PLXDC1: variants seen among roughly 807,000 people sequenced by gnomAD.
PLXDC1 encodes the protein plexin domain-containing protein 1.
A neutral mutation model predicts 61.3 loss-of-function variants in PLXDC1; 39 were observed. The ratio of observed to expected loss-of-function variants is 0.64; its 90% confidence interval spans 0.49 to 0.83. PLXDC1 has a LOEUF of 0.83. Ranked by LOEUF, PLXDC1 falls within the 40% of genes least tolerant of loss-of-function variation. The probability of loss-of-function intolerance (pLI) is 0.00; values close to 1 mark genes in which losing one functional copy is unlikely to be tolerated. For missense variants in PLXDC1, 596 were observed against 666.5 expected (o/e 0.89, Z 1.17); for synonymous variants, 212 against 254.5 (o/e 0.83, Z 1.59).
chr17:39,135,177 T>C (rs1379069623), intron 2 of PLXDC1, among the ~76,000 whole-genome samples: 2 of 152,338 alleles, frequency 1.3e-5, no homozygotes, highest in Non-Finnish European at 2.9e-5. Context: ...AGTTATCCCT[T>C]AAAGCCTGGT....
At chr17:39,130,730 T>C (rs1402633179) in intron 2 of PLXDC1, among the ~76,000 whole-genome samples, 6 of 151,940 alleles carry the variant, frequency 3.9e-5, no homozygotes, top group Non-Finnish European at 8.8e-5. Context: ...CCGGCTAATT[T>C]TGTATTATTT....
chr17:39,083,413 T>C, intron 9 of PLXDC1, 46 bp downstream of exon 9: 1 of 1,493,392 alleles, frequency 6.7e-7, no homozygotes, highest in Non-Finnish European at 9.3e-7. Context: ...CCTCTTCCCC[T>C]CCACAGTCGG....
At chr17:39,139,981 A>G in intron 1 of PLXDC1, 149 bp from the exon 2 acceptor site, 1 of 729,704 alleles carries the variant, frequency 1.4e-6, no homozygotes, top group Non-Finnish European at 2.2e-6. Context: ...GGAGACACCC[A>G]ATGTGTACTG....
Position 39,106,874 on chromosome 17 carries a change from A to G in PLXDC1, c.711+533T>C, listed in dbSNP as rs938203076. Reference sequence around the variant, plus strand: ...ATCATGTTGGCCAGGCTGGTCTCGAACTCCTGAGCTCTGATGATCCACCCA... The same window carrying G: ...ATCATGTTGGCCAGGCTGGTCTCGAGCTCCTGAGCTCTGATGATCCACCCA... On this transcript the variant is annotated intron_variant, in intron 6 of 13. Coordinates refer to ENST00000315392, the MANE Select transcript of PLXDC1 (RefSeq NM_020405.5). Among the ~76,000 whole-genome samples the G allele has an allele frequency of 3.4e-5, 5 of 146,994 alleles. No individual in the cohort carries two copies. In the South Asian group the frequency reaches 6.5e-4, roughly 19 times the overall value.
chr17:39,149,486 T>A (rs1032195955), intron 1 of PLXDC1, among the ~76,000 whole-genome samples: 4 of 151,936 alleles, frequency 2.6e-5, no homozygotes, highest in Admixed American at 2.6e-4. Flanking sequence ...GGACTGGGAG[T>A]CAACAGCTGC....
intron 2 of PLXDC1, among the ~76,000 whole-genome samples, chr17:39,131,392 C>T (rs12946162): frequency 0.13 from 19,012 of 151,032 alleles, 1,255 homozygotes; most frequent in East Asian, 0.21. Flanking sequence ...CTCGCTCTGT[C>T]GCCCAGGCTG....
At chr17:39,142,448 C>G (rs1209821072) in intron 1 of PLXDC1, among the ~76,000 whole-genome samples, 1 of 152,190 alleles carries the variant, frequency 6.6e-6, no homozygotes, top group Non-Finnish European at 1.5e-5. Context: ...CGCGGCCATG[C>G]GAACCTCCAT....
intron 7 of PLXDC1, among the ~76,000 whole-genome samples, chr17:39,097,608 C>CACGG: frequency 6.6e-6 from 1 of 152,188 alleles, no homozygotes; most frequent in Non-Finnish European, 1.5e-5. Context: ...ACAGGCCTTA[C>CACGG]ACGGTGGCTC....
chr17:39,139,762 T>G lies in PLXDC1; in HGVS notation c.147A>C (p.Arg49=). The G allele has an allele frequency of 6.2e-7, 1 of 1,613,980 alleles. No individual in the cohort carries two copies. Among genetic ancestry groups the G allele is most frequent in the African/African-American group, 1.3e-5 (1 of 75,048 alleles). Residue 49 remains arginine, a synonymous_variant, in exon 2 of 14, where the codon CGA becomes CGC. Transcript: ENST00000315392. The part of the protein sequence containing the change: ...GTVRGWNRRA[R]ESPGHVSEPD... ...GCTCTGACACATGCCCAGGGCTCTC[T>G]CGGGCTCTCCGGTTCCAGCCCCGCA...
At chr17:39,150,422 T>C (rs929364262) in intron 1 of PLXDC1, among the ~76,000 whole-genome samples, 28 of 151,962 alleles carry the variant, frequency 1.8e-4, no homozygotes, top group Admixed American at 1.3e-3. Flanking sequence ...TCACCCCACC[T>C]GAGGGGCACC....
intron 9 of PLXDC1, chr17:39,079,549 A>C (rs1208276266): frequency 8.7e-6 from 4 of 457,790 alleles, no homozygotes; most frequent in African/African-American, 8.0e-5. Flanking sequence ...GAAAGAGAGT[A>C]GGGCTAAAGG....
chr17:39,109,745 G>A (rs1910732057), intron 2 of PLXDC1, among the ~76,000 whole-genome samples: 1 of 152,224 alleles, frequency 6.6e-6, no homozygotes, highest in Admixed American at 6.5e-5. Context: ...GCATAAGGGA[G>A]GAACAGACAG....
intron 2 of PLXDC1, among the ~76,000 whole-genome samples, chr17:39,128,103 A>ATATGTATATATATATGTATATATATATG (rs1388209830): frequency 4.7e-5 from 4 of 84,902 alleles, no homozygotes; most frequent in Admixed American, 2.3e-4. Flanking sequence ...ATGTGTATAT[A>ATATGTATATATATATGTATATATATATG]TATATATATA....
rs1275504257 is a variant in PLXDC1, at chr17:39,064,778, T to TG, written c.*3061dup. The TG allele has an allele frequency of 6.6e-6, 1 of 151,980 alleles. No homozygotes were observed. The highest frequency in any genetic ancestry group is 1.5e-5 in the Non-Finnish European group (1 of 68,076). The allele number at this position is 151,980 out of a possible 1,614,324, so 9.4% of individuals were successfully genotyped here. On this transcript the variant is annotated 3_prime_UTR_variant, in exon 14 of 14. Coordinates refer to ENST00000315392, the MANE Select transcript of PLXDC1 (RefSeq NM_020405.5). ...TGAGGGTGGAGTAGGGGGGTGCCGG[T>TG]GGAAGGAGGGTCTGAATTTGAGGAA...
intron 11 of PLXDC1, among the ~76,000 whole-genome samples, chr17:39,072,881 T>A (rs1909181628): frequency 2.0e-5 from 3 of 152,192 alleles, no homozygotes. Context: ...TTTCTGTCTA[T>A]ACCTCGAGGC....
intron 2 of PLXDC1, among the ~76,000 whole-genome samples, chr17:39,122,609 C>T (rs535645806): frequency 6.6e-6 from 1 of 152,202 alleles, no homozygotes; most frequent in East Asian, 1.9e-4. Context: ...AAAAAGGATG[C>T]GGAGACCTTG....
At chr17:39,125,780 T>C (rs901339987) in intron 2 of PLXDC1, among the ~76,000 whole-genome samples, 2 of 152,206 alleles carry the variant, frequency 1.3e-5, no homozygotes, top group East Asian at 1.9e-4. Context: ...TGCATGACAG[T>C]CCACTCAGGA....
intron 7 of PLXDC1, among the ~76,000 whole-genome samples, chr17:39,102,354 G>A (rs1006832710): frequency 5.3e-5 from 8 of 152,132 alleles, no homozygotes; most frequent in Admixed American, 2.0e-4. Context: ...GCCCACCTAT[G>A]AGGAGGGTAA....
chr17:39,107,336 A>G, intron 6 of PLXDC1, 71 bp downstream of exon 6: 2 of 945,790 alleles, frequency 2.1e-6, no homozygotes, highest in Non-Finnish European at 3.3e-6. Flanking sequence ...GCACATTGCA[A>G]ATTCTCTAAA....
Sources: allele counts gnomAD v4.1 joint callset (sites outside exome capture counted in the v4.1 genomes callset), GRCh38; gene constraint gnomAD v4.1.1; transcripts MANE v1.5; gene names NCBI Gene and HGNC (gene_info 2026-07-23, HGNC 2026-07-21).